The following MMP26 variants were observed in gnomAD, a reference collection of about 807,000 sequenced individuals.
The protein encoded by MMP26 is matrix metalloproteinase-26.
In MMP26, 33 loss-of-function variants were observed where a neutral mutation model predicts 31.0. The observed-to-expected ratio is 1.06, with a 90% CI of 0.81 to 1.42. The LOEUF (loss-of-function observed/expected upper bound fraction) is 1.42, where lower values mean the gene tolerates loss of function less well. MMP26 is among the 40% of genes most tolerant of loss of function. The pLI is 0.00. For missense variants in MMP26, 347 were observed against 316.1 expected, an observed-to-expected ratio of 1.10 and a Z score of -0.74; for synonymous variants, 122 against 114.9, an observed-to-expected ratio of 1.06 and a Z score of -0.40.
intron 2 of MMP26, among the ~76,000 whole-genome samples, chr11:4,899,666 G>A (rs1377607843): frequency 6.6e-6 from 1 of 152,078 alleles, no homozygotes; most frequent in East Asian, 1.9e-4. Flanking sequence ...TTTATTAGAA[G>A]CCCTATCTTT....
intron 1 of MMP26, among the ~76,000 whole-genome samples, chr11:4,746,700 G>C (rs1848384639): frequency 6.6e-6 from 1 of 152,200 alleles, no homozygotes; most frequent in South Asian, 2.1e-4. Flanking sequence ...CGGGTTTGGT[G>C]GTGGGCACCT....
At chr11:4,913,122 T>C (rs1458500834) in intron 2 of MMP26, 1 of 152,226 alleles carries the variant, frequency 6.6e-6, no homozygotes, top group African/African-American at 2.4e-5. Flanking sequence ...GTTACTCAAA[T>C]GGTCATTCTC....
chr11:4,838,001 G>A, intron 2 of MMP26, among the ~76,000 whole-genome samples: 1 of 151,680 alleles, frequency 6.6e-6, no homozygotes, highest in South Asian at 2.1e-4. Context: ...CAAGAAAAAG[G>A]CATTCTCTGA....
chr11:4,789,761 C>T (rs1435260438), intron 2 of MMP26, among the ~76,000 whole-genome samples: 6 of 150,906 alleles, frequency 4.0e-5, no homozygotes, highest in Non-Finnish European at 7.4e-5. Context: ...AGGATGGTGT[C>T]GATCTCCTGA....
intron 2 of MMP26, chr11:4,832,542 T>C (rs1849660815): frequency 6.6e-6 from 1 of 152,388 alleles, no homozygotes; most frequent in East Asian, 1.9e-4. Context: ...TATAGCTCTA[T>C]TCTCACCAGC....
At chr11:4,855,044 C>T (rs1268850186) in intron 2 of MMP26, among the ~76,000 whole-genome samples, 1 of 152,132 alleles carries the variant, frequency 6.6e-6, no homozygotes, top group Non-Finnish European at 1.5e-5. Flanking sequence ...AGGACATCCA[C>T]ACCAAAACCC....
At chr11:4,932,633 C>A (rs1851366520) in intron 2 of MMP26, among the ~76,000 whole-genome samples, 1 of 152,094 alleles carries the variant, frequency 6.6e-6, no homozygotes, top group Non-Finnish European at 1.5e-5. Flanking sequence ...ACAAGACATC[C>A]CTGCTGAGCT....
intron 2 of MMP26, among the ~76,000 whole-genome samples, chr11:4,977,104 T>G (rs1846748232): frequency 6.6e-6 from 1 of 151,394 alleles, no homozygotes; most frequent in South Asian, 2.1e-4. Flanking sequence ...AATAAATGTA[T>G]TTTTACTGTT....
chr11:4,915,376 T>G, intron 2 of MMP26: 2 of 1,613,954 alleles, frequency 1.2e-6, no homozygotes, highest in Non-Finnish European at 8.5e-7. Flanking sequence ...CATGGCTAAT[T>G]TCTCGTGCTC....
chr11:4,921,908 G>C (rs1427547949), intron 2 of MMP26, among the ~76,000 whole-genome samples: 2 of 152,142 alleles, frequency 1.3e-5, no homozygotes, highest in Non-Finnish European at 2.9e-5. Context: ...TAGATATATT[G>C]CATAGTGGTG....
chr11:4,969,845 G>C (rs1407376727), intron 2 of MMP26, among the ~76,000 whole-genome samples: 1 of 152,070 alleles, frequency 6.6e-6, no homozygotes, highest in Non-Finnish European at 1.5e-5. Context: ...TATTAAACTA[G>C]GCTCACTTGC....
intron 2 of MMP26, among the ~76,000 whole-genome samples, chr11:4,827,963 T>A (rs1458102857): frequency 6.6e-6 from 1 of 152,112 alleles, no homozygotes; most frequent in Non-Finnish European, 1.5e-5. Context: ...CTCAAAATGA[T>A]GTAGATACAT....
chr11:4,745,434 A>T (rs1325397873), intron 1 of MMP26, among the ~76,000 whole-genome samples: 1 of 152,196 alleles, frequency 6.6e-6, no homozygotes, highest in Non-Finnish European at 1.5e-5. Context: ...AGAATCCTGC[A>T]TTTTAATAGA....
chr11:4,928,752 T>C (rs909938822), intron 2 of MMP26, among the ~76,000 whole-genome samples: 6 of 152,216 alleles, frequency 3.9e-5, no homozygotes, highest in Admixed American at 2.0e-4. Context: ...TGCAGCTTCA[T>C]CTAGCCATGT....
chr11:4,769,661 A>G lies in MMP26; in HGVS notation c.-145+2320A>G, dbSNP rs537031479. ...GATTTCACGTGCCTCAAACCAGAGG[A>G]TACCTAATGTTGTTGACAATGAAGA... is the stretch of plus-strand genomic sequence containing the variant. On this transcript the variant is annotated intron_variant, in intron 2 of 7. Transcript: ENST00000380390. The G allele has an allele frequency of 4.3e-6, 7 of 1,613,078 alleles. No homozygotes were observed. The African/African-American group carries it at 8.0e-5, about 18-fold the overall frequency.
At chr11:4,847,320 A>G (rs1849885897) in intron 2 of MMP26, among the ~76,000 whole-genome samples, 1 of 152,232 alleles carries the variant, frequency 6.6e-6, no homozygotes, top group South Asian at 2.1e-4. Flanking sequence ...GAGACCGATA[A>G]TTCCAAATGC....
At chr11:4,923,379 C>T in intron 2 of MMP26, 4 of 1,545,248 alleles carry the variant, frequency 2.6e-6, no homozygotes, top group Non-Finnish European at 3.5e-6. Flanking sequence ...CTAACTTAAT[C>T]CTTCCAAAAA....
intron 2 of MMP26, among the ~76,000 whole-genome samples, chr11:4,815,853 T>G (rs1389719827): frequency 6.6e-6 from 1 of 152,182 alleles, no homozygotes; most frequent in Non-Finnish European, 1.5e-5. Context: ...AAATTTAGAA[T>G]TCAGGCTCCA....
intron 2 of MMP26, among the ~76,000 whole-genome samples, chr11:4,884,639 A>G (rs1229032804): frequency 6.6e-6 from 1 of 152,112 alleles, no homozygotes; most frequent in Non-Finnish European, 1.5e-5. Context: ...TTTCTGCATC[A>G]GTTATTTCAG....
Sources: allele counts gnomAD v4.1 joint callset (sites outside exome capture counted in the v4.1 genomes callset), GRCh38; gene constraint gnomAD v4.1.1; transcripts MANE v1.5; gene names NCBI Gene and HGNC (gene_info 2026-07-23, HGNC 2026-07-21).